The following FAAP20 variants were observed in gnomAD, a reference collection of about 807,000 sequenced individuals.
The protein encoded by FAAP20 is Fanconi anemia core complex-associated protein 20.
In FAAP20, 12 loss-of-function variants were observed where a neutral mutation model predicts 16.2. The ratio of observed to expected loss-of-function variants is 0.74; its 90% confidence interval spans 0.48 to 1.20. The LOEUF (loss-of-function observed/expected upper bound fraction) is 1.20. Ranked by LOEUF, FAAP20 falls within the 50% of genes most tolerant of loss-of-function variation. FAAP20 has a pLI of 0.00. For missense variants in FAAP20, 288 were observed against 245.8 expected, an observed-to-expected ratio of 1.17 and a Z score of -1.15; for synonymous variants, 141 against 110.7, an observed-to-expected ratio of 1.27 and a Z score of -1.72.
At chr1:2,197,080 C>T (rs556858538), upstream of FAAP20, among the ~76,000 whole-genome samples, 454 of 152,280 alleles carry the variant, frequency 3.0e-3, 6 homozygotes, top group African/African-American at 0.01. Flanking sequence ...GGATGGGCTC[C>T]GAGCCCCCTG....
intron 3 of FAAP20, chr1:2,192,289 A>G (rs1039754845): frequency 2.0e-6 from 2 of 986,164 alleles, no homozygotes; most frequent in African/African-American, 3.5e-5. Context: ...TCCGGTTCCA[A>G]AGTACCGGCT....
downstream of FAAP20, among the ~76,000 whole-genome samples, chr1:2,209,667 C>T (rs1282985013): frequency 6.6e-6 from 1 of 152,228 alleles, no homozygotes; most frequent in Non-Finnish European, 1.5e-5. Context: ...GGGCAGCAGG[C>T]CGAGGCACAC....
upstream of FAAP20, chr1:2,198,808 T>G (rs776099457): frequency 7.8e-7 from 1 of 1,289,680 alleles, no homozygotes; most frequent in Non-Finnish European, 1.0e-6. Context: ...AGCCAGGAAC[T>G]GGGCTGTGCT....
At chr1:2,190,431 C>T (rs1267870078) in intron 3 of FAAP20, 2 of 444,918 alleles carry the variant, frequency 4.5e-6, no homozygotes, top group African/African-American at 4.0e-5. Flanking sequence ...AGGTCAGCGC[C>T]CTGGGCATCC....
downstream of FAAP20, chr1:2,185,582 CAG>C (rs1687468364): frequency 2.8e-6 from 2 of 702,292 alleles, no homozygotes; most frequent in Non-Finnish European, 5.3e-6. Flanking sequence ...GTTCTTCCTG[CAG>C]AGTGTGTCCC....
chr1:2,194,632 G>A (rs1276701084), intron 1 of FAAP20, 56 bp downstream of exon 1: 4 of 1,012,418 alleles, frequency 4.0e-6, no homozygotes, highest in Non-Finnish European at 4.9e-6. Flanking sequence ...GGGGGCGCCG[G>A]GAAGCACGTG....
At chr1:2,185,263 C>T (rs774583050), downstream of FAAP20, 7 of 715,188 alleles carry the variant, frequency 9.8e-6, no homozygotes, top group Non-Finnish European at 1.8e-5. Flanking sequence ...CGCGGGGACC[C>T]TGCCGAGGGG....
chr1:2,197,063 G>A (rs546100623), upstream of FAAP20, among the ~76,000 whole-genome samples: 111 of 152,200 alleles, frequency 7.3e-4, no homozygotes, highest in African/African-American at 2.3e-3. Flanking sequence ...GGGACCGGCC[G>A]GCCTCTGGAT....
At chr1:2,201,104 G>A, upstream of FAAP20, 1 of 1,288,628 alleles carries the variant, frequency 7.8e-7, no homozygotes, top group Non-Finnish European at 1.0e-6. Context: ...TGCATCCCCT[G>A]TGCAGCCGGC....
At chr1:2,190,009 C>A in intron 3 of FAAP20, 1 of 613,338 alleles carries the variant, frequency 1.6e-6, no homozygotes, top group Non-Finnish European at 3.0e-6. Context: ...GCCCCTGCGT[C>A]CGAGCTGGGG....
intron 1 of FAAP20, among the ~76,000 whole-genome samples, chr1:2,206,944 G>C (rs1689280874): frequency 6.6e-6 from 1 of 152,120 alleles, no homozygotes; most frequent in South Asian, 2.1e-4. Flanking sequence ...GCCTCAGATC[G>C]GTGACCTGCA....
intron 3 of FAAP20, chr1:2,190,264 C>A (rs1249313539): frequency 2.2e-6 from 1 of 456,786 alleles, no homozygotes. Flanking sequence ...AGGGACCAAG[C>A]CTCACCACGG....
chr1:2,203,354 A>T (rs561353600), upstream of FAAP20: 3 of 922,136 alleles, frequency 3.3e-6, no homozygotes, highest in African/African-American at 1.8e-5. Context: ...CTCTCTGGAC[A>T]CCCCTCCGCA....
At chr1:2,194,574 C>CG (rs1688675739) in intron 1 of FAAP20, 114 bp downstream of exon 1, 1 of 353,650 alleles carries the variant, frequency 2.8e-6, no homozygotes, top group Non-Finnish European at 3.8e-6. Flanking sequence ...GGGCCGGGCC[C>CG]GGGGGCAGGG....
At chr1:2,208,375 C>A (rs867648338), downstream of FAAP20, among the ~76,000 whole-genome samples, 6 of 152,214 alleles carry the variant, frequency 3.9e-5, no homozygotes, top group African/African-American at 7.2e-5. Context: ...TCTCTGCCCC[C>A]CTCCTGGCAA....
chr1:2,204,962 G>A, intron 3 of FAAP20, among the ~76,000 whole-genome samples: 1 of 47,546 alleles, frequency 2.1e-5, no homozygotes, highest in Admixed American at 2.6e-4. Context: ...GCCCCGCCCC[G>A]CCCCCCGGGC....
chr1:2,211,883 C>CCGAG (rs1689457276), downstream of FAAP20, among the ~76,000 whole-genome samples: 1 of 148,102 alleles, frequency 6.8e-6, no homozygotes, highest in African/African-American at 2.5e-5. Context: ...CCGTGCCTGG[C>CCGAG]CGAGAGCAAG....
chr1:2,208,614 G>T (rs933207425), downstream of FAAP20, among the ~76,000 whole-genome samples: 4 of 152,166 alleles, frequency 2.6e-5, no homozygotes, highest in East Asian at 7.7e-4. Context: ...CCATACCTGG[G>T]TCCCTGCAGC....
chr1:2,208,513 G>A (rs951700203), downstream of FAAP20, among the ~76,000 whole-genome samples: 1 of 152,222 alleles, frequency 6.6e-6, no homozygotes, highest in African/African-American at 2.4e-5. Flanking sequence ...GGACCCGCGT[G>A]CGGAAGGTGC....
Sources: gnomAD v4.1 joint callset for allele counts (sites outside exome capture counted in the v4.1 genomes callset) on GRCh38, gnomAD v4.1.1 for gene constraint, MANE v1.5 for transcripts, NCBI Gene and HGNC (gene_info 2026-07-23, HGNC 2026-07-21) for gene names.